HIVEP2: variants seen among roughly 807,000 people sequenced by gnomAD.
HIVEP2 encodes HIVEP zinc finger 2, also known as transcription factor HIVEP2.
Under a neutral mutation model 180.7 loss-of-function variants are expected in HIVEP2, and 14 were observed. The ratio of observed to expected loss-of-function variants is 0.08; its 90% CI spans 0.05 to 0.12. The LOEUF is 0.12. Ranked by LOEUF, HIVEP2 falls within the 10% of genes least tolerant of loss-of-function variation. HIVEP2 has a pLI of 1.00. For synonymous variants in HIVEP2, 1,184 were observed against 1,136.4 expected (o/e 1.04, Z -0.84); for missense variants, 2,579 against 3,008.5 (o/e 0.86, Z 3.34).
chr6:142,842,124 A>T (rs898049656), intron 1 of HIVEP2, among the ~76,000 whole-genome samples: 2 of 152,144 alleles, frequency 1.3e-5, no homozygotes, highest in African/African-American at 4.8e-5. Context: ...AGTTCCTTTA[A>T]AACACAGCTG....
intron 2 of HIVEP2, among the ~76,000 whole-genome samples, chr6:142,814,646 G>A (rs551130713): frequency 6.6e-6 from 1 of 152,250 alleles, no homozygotes; most frequent in South Asian, 2.1e-4. Context: ...TAGTGATAGT[G>A]GGGCTTTGCA....
chr6:142,800,339 G>A (rs1224101284), intron 2 of HIVEP2, among the ~76,000 whole-genome samples: 2 of 152,140 alleles, frequency 1.3e-5, no homozygotes, highest in African/African-American at 4.8e-5. Context: ...GCAAAGTGCA[G>A]AATTCAAGTT....
intron 2 of HIVEP2, among the ~76,000 whole-genome samples, chr6:142,787,245 CAAAA>C (rs869222383): frequency 1.8e-5 from 2 of 112,438 alleles, no homozygotes; most frequent in South Asian, 6.2e-4. Context: ...GACCCCGTCT[CAAAA>C]ATAAATAAAT....
chr6:142,765,748 G>A (rs576569036), intron 6 of HIVEP2, among the ~76,000 whole-genome samples: 4 of 152,228 alleles, frequency 2.6e-5, no homozygotes, highest in South Asian at 2.1e-4. Context: ...TAATCAAATC[G>A]GCTAGAAAAA....
chr6:142,944,364 C>A (rs1034294540), intron 1 of HIVEP2, among the ~76,000 whole-genome samples: 6 of 123,842 alleles, frequency 4.8e-5, no homozygotes, highest in African/African-American at 1.3e-4. Context: ...GGAGTCCACC[C>A]CCCCCCCCCA....
At chr6:142,871,042 C>T (rs999111520) in intron 1 of HIVEP2, among the ~76,000 whole-genome samples, 6 of 152,060 alleles carry the variant, frequency 3.9e-5, no homozygotes, top group African/African-American at 1.2e-4. Context: ...CCAGTGAAAC[C>T]GACATTTTGC....
chr6:142,815,755 A>G (rs897262325), intron 2 of HIVEP2, among the ~76,000 whole-genome samples: 3 of 152,222 alleles, frequency 2.0e-5, no homozygotes, highest in African/African-American at 7.2e-5. Context: ...TAGATAATTT[A>G]GATGACTCCA....
chr6:142,756,397 T>C (rs1212425216), intron 9 of HIVEP2, among the ~76,000 whole-genome samples: 1 of 152,180 alleles, frequency 6.6e-6, no homozygotes, highest in Non-Finnish European at 1.5e-5. Context: ...AGCAGGAGGC[T>C]TGTCTGCCCA....
intron 1 of HIVEP2, among the ~76,000 whole-genome samples, chr6:142,899,506 C>T (rs7749585): frequency 0.091 from 13,881 of 152,180 alleles, 1,839 homozygotes; most frequent in African/African-American, 0.29. Context: ...CAGGCCCACA[C>T]GCAATAGTCA....
Position 142,753,650 on chromosome 6 carries a change from C to A in HIVEP2, c.6798G>T (p.Ala2266=), listed in dbSNP as rs755189879. 1.2e-6 allele frequency: 2 copies of A among 1,614,172 alleles called. No homozygotes were observed. The highest frequency in any genetic ancestry group is 1.1e-5 in the South Asian group (1 of 91,088). The change falls in exon 10 of 10, where the codon GCG becomes GCT. Residue 2266 remains alanine, a synonymous_variant. Transcript: ENST00000367603. ...PMEGFEEKKG[A]SGESFSKDPY... ...GGTCCTTGGAGAAGGACTCCCCTGA[C>A]GCGCCTTTCTTCTCCTCAAAGCCCT...
intron 1 of HIVEP2, among the ~76,000 whole-genome samples, chr6:142,942,287 G>A (rs118152479): frequency 0.046 from 3,392 of 73,768 alleles, 82 homozygotes; most frequent in South Asian, 0.2. Context: ...GTTAAAATGA[G>A]CCCTGCTTTG....
intron 3 of HIVEP2, among the ~76,000 whole-genome samples, chr6:142,777,822 T>C (rs1045923095): frequency 6.6e-6 from 1 of 152,222 alleles, no homozygotes; most frequent in African/African-American, 2.4e-5. Context: ...CACTAGTTAA[T>C]AATTTTTTAA....
chr6:142,923,225 G>A (rs913375910), intron 1 of HIVEP2, among the ~76,000 whole-genome samples: 87 of 151,958 alleles, frequency 5.7e-4, no homozygotes, highest in African/African-American at 1.9e-3. Flanking sequence ...CCAGCTACTC[G>A]GGAGGCTGAG....
intron 1 of HIVEP2, among the ~76,000 whole-genome samples, chr6:142,871,717 T>G (rs1262646813): frequency 1.3e-5 from 2 of 152,056 alleles, no homozygotes; most frequent in East Asian, 1.9e-4. Context: ...TCTCCCTAAT[T>G]ACTACTAGCC....
intron 1 of HIVEP2, among the ~76,000 whole-genome samples, chr6:142,935,512 C>T (rs983978238): frequency 1.3e-5 from 2 of 152,104 alleles, no homozygotes; most frequent in African/African-American, 4.8e-5. Context: ...GATCGCACCA[C>T]TGCACTCCAG....
chr6:142,779,166 A>G (rs1775778862), intron 3 of HIVEP2, among the ~76,000 whole-genome samples: 1 of 152,156 alleles, frequency 6.6e-6, no homozygotes, highest in South Asian at 2.1e-4. Flanking sequence ...CATGGGCTCA[A>G]GGGATCCTCT....
intron 2 of HIVEP2, among the ~76,000 whole-genome samples, chr6:142,811,517 C>A (rs912850283): frequency 2.0e-5 from 3 of 152,124 alleles, no homozygotes; most frequent in African/African-American, 7.2e-5. Context: ...CCCCTACACA[C>A]AATGTAGCTG....
intron 9 of HIVEP2, among the ~76,000 whole-genome samples, chr6:142,758,484 G>T (rs920024569): frequency 7.2e-5 from 11 of 152,200 alleles, no homozygotes; most frequent in African/African-American, 2.7e-4. Flanking sequence ...TGGCTGTGAA[G>T]GATGGTGCTG....
At chr6:142,786,737 G>T (rs1224031364) in intron 2 of HIVEP2, among the ~76,000 whole-genome samples, 1 of 152,220 alleles carries the variant, frequency 6.6e-6, no homozygotes, top group Admixed American at 6.5e-5. Flanking sequence ...TTGTTAGTGG[G>T]GTTGTCTTTT....
Sources: gnomAD v4.1 joint callset for allele counts (sites outside exome capture counted in the v4.1 genomes callset) on GRCh38, gnomAD v4.1.1 for gene constraint, MANE v1.5 for transcripts, NCBI Gene and HGNC (gene_info 2026-07-23, HGNC 2026-07-21) for gene names.